PARVG: variants seen among roughly 807,000 people sequenced by gnomAD.
PARVG encodes the protein parvin gamma.
Under a neutral mutation model 44.4 loss-of-function variants are expected in PARVG, and 36 were observed. That is an observed-to-expected ratio of 0.81 (90% CI 0.62 to 1.07). PARVG has a LOEUF of 1.07. PARVG is among the 50% of genes least tolerant of loss of function. PARVG has a pLI of 0.00. For synonymous variants in PARVG, 170 were observed against 174.1 expected (o/e 0.98, Z 0.19); for missense variants, 407 against 407.4 (o/e 1.00, Z 0.01).
At position 44,190,577 on chromosome 22, in the gene PARVG, A is replaced by T. The variant is rs1336290257; in HGVS notation, c.415A>T (p.Thr139Ser). The T allele has an allele frequency of 6.2e-7, 1 of 1,613,892 alleles. No homozygotes were observed. Among genetic ancestry groups the T allele is most frequent in the Non-Finnish European group, 8.5e-7 (1 of 1,180,006 alleles). The change falls in exon 7 of 14, where the codon ACC becomes TCC. Residue 139 changes from threonine to serine, a missense_variant. Thr to Ser is a moderately conservative substitution (Grantham distance 58). Transcript: ENST00000444313. ...ESIFNKDLLS[T>S]LHLLVALAKR... ...CATCTTCAACAAGGACCTGTTGTCT[A>T]CCCTGCACCTCCTTGTGGCCCTGGC...
chr22:44,196,853 G>GGAGCCCA (rs1193348253), intron 11 of PARVG, among the ~76,000 whole-genome samples: 1 of 152,142 alleles, frequency 6.6e-6, no homozygotes, highest in Non-Finnish European at 1.5e-5. Flanking sequence ...AGCACCCTGA[G>GGAGCCCA]GAGCCCAGCC....
intron 3 of PARVG, chr22:44,183,721 C>T (rs1386968581): frequency 2.4e-6 from 1 of 418,294 alleles, no homozygotes; most frequent in Non-Finnish European, 4.2e-6. Flanking sequence ...CTCATTTATT[C>T]TCAAGGGCGG....
intron 6 of PARVG, among the ~76,000 whole-genome samples, chr22:44,189,509 CTGTT>C: frequency 6.6e-6 from 1 of 152,340 alleles, no homozygotes; most frequent in Non-Finnish European, 1.5e-5. Flanking sequence ...CAAACAGTCT[CTGTT>C]TGCTATCTGA....
chr22:44,182,977 A>C lies in PARVG; in HGVS notation c.-12-341A>C. The C allele has an allele frequency of 3.2e-6, 1 of 308,858 alleles. No individual in the cohort carries two copies. The highest frequency in any genetic ancestry group is 6.0e-6 in the Non-Finnish European group (1 of 166,866). 19.1% of individuals were successfully genotyped at this position (308,858 alleles called of 1,614,324 possible). On this transcript the variant is annotated intron_variant, in intron 2 of 13. Coordinates refer to ENST00000444313, the MANE Select transcript of PARVG (RefSeq NM_022141.7). This position sits in a 1 kb window ranked among gnomAD's most constrained non-coding sequence, Gnocchi z 4.6. Reference sequence around the variant, plus strand: ...CTGTACCTACTTTGTCCTGTCTGGGATAGGGTGGGGGGTCCCTGGGTAGGG... The same window carrying C: ...CTGTACCTACTTTGTCCTGTCTGGGCTAGGGTGGGGGGTCCCTGGGTAGGG...
At chr22:44,204,356 T>C (rs562772205) in intron 12 of PARVG, among the ~76,000 whole-genome samples, 6 of 152,356 alleles carry the variant, frequency 3.9e-5, no homozygotes, top group African/African-American at 1.4e-4. Flanking sequence ...CGTCATCACA[T>C]TGGACGCACA....
rs373680630 is a variant in PARVG at position 44,181,725 on chromosome 22, C to T, written c.-188-17C>T. The T allele has an allele frequency of 2.4e-5, 24 of 985,290 alleles. No individual in the cohort carries two copies. The highest frequency in any genetic ancestry group is 1.1e-4 in the East Asian group (1 of 8,822). The allele number at this position is 985,290 out of a possible 1,614,324, so 61.0% of individuals were successfully genotyped here. A position where few individuals can be genotyped will look rare whatever the true frequency, so the allele number is the denominator to read the frequency against. On this transcript the variant is annotated splice_polypyrimidine_tract_variant and intron_variant, in intron 1 of 13. Coordinates refer to ENST00000444313, the MANE Select transcript of PARVG (RefSeq NM_022141.7). ...CTTCACTTTCACGGCATCCACCCCC[C>T]TCGGGCCCTGCCGCAGAGAGGAGGA...
chr22:44,179,981 C>T (rs1303600970), upstream of PARVG, among the ~76,000 whole-genome samples: 4 of 152,220 alleles, frequency 2.6e-5, no homozygotes. The surrounding 1 kb of genome is among the most constrained non-coding windows in gnomAD (Gnocchi z 4.2). Flanking sequence ...TTCACCTCTG[C>T]AGATCCACTC....
chr22:44,205,762 C>T lies in PARVG; in HGVS notation c.819C>T (p.His273=), dbSNP rs763063695. 4 of 1,613,684 alleles carry T rather than the reference C, an allele frequency of 2.5e-6. No homozygotes were observed. The highest frequency in any genetic ancestry group is 2.7e-5 in the African/African-American group (2 of 75,056). The stretch of plus-strand genomic sequence containing the variant: ...ATAGGGCCTTGTCATCATAGCTGCA[C>T]AACGTCACCCTGGCGCTGGAGCTGC... ...LTPNSPAEML[H]NVTLALELLK... Residue 273 remains histidine (H), a synonymous_variant, in exon 13 of 14, where the codon CAC becomes CAT. Coordinates refer to ENST00000444313, the MANE Select transcript of PARVG (RefSeq NM_022141.7).
intron 12 of PARVG, among the ~76,000 whole-genome samples, chr22:44,204,620 C>T (rs139179): frequency 0.22 from 33,063 of 152,250 alleles, 3,654 homozygotes; most frequent in Admixed American, 0.24. Context: ...ATCCACCGCT[C>T]GGCCAACCTG....
At chr22:44,187,432 C>G (rs2054489010) in intron 4 of PARVG, 1 of 352,964 alleles carries the variant, frequency 2.8e-6, no homozygotes, top group Non-Finnish European at 5.3e-6. Flanking sequence ...CTTTTTCTAT[C>G]AAGTGCTCAT....
chr22:44,174,896 T>C (rs944441052), intron 1 of PARVG, among the ~76,000 whole-genome samples: 1 of 151,864 alleles, frequency 6.6e-6, no homozygotes, highest in African/African-American at 2.4e-5. Context: ...CTGAGGCAGG[T>C]GGATCACCTG....
At chr22:44,189,295 G>T (rs773151209) in intron 6 of PARVG, 41 bp downstream of exon 6, 8 of 1,605,584 alleles carry the variant, frequency 5.0e-6, no homozygotes, top group Non-Finnish European at 6.8e-6. Flanking sequence ...GGAGTGTGGG[G>T]CCGCTGGGGT....
At chr22:44,177,069 G>A (rs1232080033), upstream of PARVG, among the ~76,000 whole-genome samples, 1 of 152,074 alleles carries the variant, frequency 6.6e-6, no homozygotes, top group African/African-American at 2.4e-5. Flanking sequence ...GATTTGGGTG[G>A]GGACATAGCC....
chr22:44,199,770 G>C (rs1312535605), intron 12 of PARVG, among the ~76,000 whole-genome samples: 1 of 152,126 alleles, frequency 6.6e-6, no homozygotes, highest in African/African-American at 2.4e-5. Flanking sequence ...AGAGGGGAGG[G>C]AATAGCATCA....
intron 3 of PARVG, chr22:44,183,648 T>C (rs2054419973): frequency 6.3e-6 from 3 of 479,082 alleles, no homozygotes; most frequent in East Asian, 3.5e-5. Context: ...TGAATACTGA[T>C]TGCTCTCATC....
In PARVG at chr22:44,207,265, G is replaced by GC. The variant is rs1349595536; in HGVS notation, c.*840dup. The GC allele has an allele frequency of 3.1e-5, 3 of 97,808 alleles. No individual in the cohort carries two copies. Among genetic ancestry groups the GC allele is most frequent in the African/African-American group, 8.5e-5 (2 of 23,650 alleles). 6.1% of individuals were successfully genotyped at this position (97,808 alleles called of 1,614,324 possible). A position where few individuals can be genotyped will look rare whatever the true frequency, so the allele number is the denominator to read the frequency against. The stretch of plus-strand genomic sequence containing the variant: ...GGTGAGATTGGTGGGGAGGGCTGGG[G>GC]CTGGCCGGGAGGGGTGGGACTGATG... On this transcript the variant is annotated 3_prime_UTR_variant, in exon 14 of 14. Coordinates refer to ENST00000444313, the MANE Select transcript of PARVG (RefSeq NM_022141.7).
At chr22:44,191,961 A>C in intron 7 of PARVG, 88 bp from the exon 8 acceptor site, 1 of 1,431,844 alleles carries the variant, frequency 7.0e-7, no homozygotes, top group Non-Finnish European at 9.8e-7. Context: ...CTGAGGAGGG[A>C]TGATACAGAG....
intron 4 of PARVG, chr22:44,186,244 G>A (rs988321438): frequency 3.2e-6 from 1 of 308,710 alleles, no homozygotes; most frequent in South Asian, 2.9e-5. Context: ...CGAGCTGCCA[G>A]CCCCTAAGCC....
intron 4 of PARVG, chr22:44,186,580 A>G (rs1339416297): frequency 6.4e-6 from 3 of 470,778 alleles, no homozygotes; most frequent in Non-Finnish European, 1.3e-5. Context: ...TGACCAGCAC[A>G]CCTGGCCCAG....
Sources: allele counts gnomAD v4.1 joint callset (sites outside exome capture counted in the v4.1 genomes callset), GRCh38; gene constraint gnomAD v4.1.1; non-coding constraint Gnocchi (gnomAD v3.1); transcripts MANE v1.5; gene names NCBI Gene and HGNC (gene_info 2026-07-23, HGNC 2026-07-21).